MMP16: variants seen among roughly 807,000 people sequenced by gnomAD.
MMP16 encodes the protein matrix metalloproteinase-16.
A neutral mutation model predicts 67.8 loss-of-function variants in MMP16; 12 were observed. That is an observed-to-expected ratio of 0.18 (90% confidence interval 0.11 to 0.29). The LOEUF (loss-of-function observed/expected upper bound fraction) is 0.29, where lower values mean the gene tolerates loss of function less well. Ranked by LOEUF, MMP16 falls within the 10% of genes least tolerant of loss-of-function variation. The pLI, the probability that MMP16 is intolerant of heterozygous loss-of-function variation, is 1.00. For synonymous variants in MMP16, 249 were observed against 255.9 expected, an observed-to-expected ratio of 0.97 and a Z score of 0.26; for missense variants, 475 against 765.7, an observed-to-expected ratio of 0.62 and a Z score of 4.48.
rs138302596 is a variant in MMP16, at chr8:88,054,863, T to C, written c.1373+1265A>G. ...TTCTCCTAAAGTTGGAGACATTGCA[T>C]AGGGTTATTCTATGCTAAGATAATA... On this transcript the variant is annotated intron_variant, in intron 8 of 9. Coordinates refer to ENST00000286614, the MANE Select transcript of MMP16 (RefSeq NM_005941.5). 2.2e-3 allele frequency among the ~76,000 whole-genome samples: 333 copies of C among 152,268 alleles called. 3 individuals carry two copies. Among genetic ancestry groups the C allele is most frequent in the African/African-American group, 7.5e-3 (313 of 41,566 alleles).
rs1333562863 is a variant in MMP16 at position 88,133,231 on chromosome 8, AG to A, written c.710-14371del. Among the ~76,000 whole-genome samples the A allele has an allele frequency of 4.6e-5, 6 of 129,480 alleles. No homozygotes were observed. In the East Asian group the frequency reaches 1.3e-3, roughly 28 times the overall value. The allele number at this position is 129,480 out of a possible 152,430, so 84.9% of individuals were successfully genotyped here. A position where few individuals can be genotyped will look rare whatever the true frequency, so the allele number is the denominator to read the frequency against. ...TTACCTTTATTAAATTTGATTCTTA[AG>A]AAAAAAAATACAAGCTTCAAAATCT... On this transcript the variant is annotated intron_variant, in intron 4 of 9. Coordinates refer to ENST00000286614, the MANE Select transcript of MMP16 (RefSeq NM_005941.5).
intron 1 of MMP16, among the ~76,000 whole-genome samples, chr8:88,318,638 T>C (rs1241642238): frequency 1.3e-5 from 2 of 152,152 alleles, no homozygotes; most frequent in East Asian, 3.9e-4. Flanking sequence ...ACTTCAGCAC[T>C]TCATAGCAAT....
chr8:88,118,886 T>C (rs781683464), intron 4 of MMP16, 25 bp from the exon 5 acceptor site: 11 of 1,603,730 alleles, frequency 6.9e-6, no homozygotes, highest in South Asian at 1.1e-5. Flanking sequence ...AGAAAATAAG[T>C]TTTTGTAACT....
intron 6 of MMP16, among the ~76,000 whole-genome samples, chr8:88,081,900 GTTT>G (rs1206524630): frequency 2.6e-4 from 39 of 152,110 alleles, no homozygotes; most frequent in African/African-American, 9.2e-4. Flanking sequence ...TACAGTAGCT[GTTT>G]TTCTTAAAAA....
chr8:88,159,899 T>G (rs1808584135), intron 4 of MMP16, among the ~76,000 whole-genome samples: 1 of 152,178 alleles, frequency 6.6e-6, no homozygotes, highest in Non-Finnish European at 1.5e-5. Flanking sequence ...TCATGCGGTT[T>G]TCGTCGTTGG....
intron 6 of MMP16, among the ~76,000 whole-genome samples, chr8:88,096,469 G>C (rs1164058742): frequency 1.3e-5 from 2 of 151,852 alleles, no homozygotes; most frequent in African/African-American, 4.8e-5. Context: ...GAACAAAGTT[G>C]AGGACTGTAT....
At chr8:88,227,477 A>C (rs187239947) in intron 1 of MMP16, among the ~76,000 whole-genome samples, 1 of 152,108 alleles carries the variant, frequency 6.6e-6, no homozygotes, top group Admixed American at 6.6e-5. Context: ...AGCCAAAATA[A>C]CCCTGTCATC....
chr8:88,292,052 C>T (rs934341756), intron 1 of MMP16, among the ~76,000 whole-genome samples: 1 of 152,142 alleles, frequency 6.6e-6, no homozygotes, highest in African/African-American at 2.4e-5. Context: ...AGCTTGGATA[C>T]AAAGTCCATT....
chr8:88,096,562 C>T (rs1400818136), intron 6 of MMP16, among the ~76,000 whole-genome samples: 1 of 151,628 alleles, frequency 6.6e-6, no homozygotes, highest in Non-Finnish European at 1.5e-5. Flanking sequence ...AGAAATACAA[C>T]TACTTTGAAA....
chr8:88,137,435 T>C (rs993609916), intron 4 of MMP16, among the ~76,000 whole-genome samples: 5 of 152,022 alleles, frequency 3.3e-5, no homozygotes, highest in Admixed American at 6.6e-5. Context: ...AATGCTGACA[T>C]TGAGAAGTCA....
chr8:88,032,833 A>G lies in MMP16; in HGVS notation c.*8628T>C, dbSNP rs1269303141. 1 of 152,116 alleles carries G rather than the reference A, an allele frequency of 6.6e-6. No homozygotes were observed. Among genetic ancestry groups the G allele is most frequent in the East Asian group, 1.9e-4 (1 of 5,178 alleles). The allele number at this position is 152,116 out of a possible 1,614,324, so 9.4% of individuals were successfully genotyped here. A position where few individuals can be genotyped will look rare whatever the true frequency, so the allele number is the denominator to read the frequency against. On this transcript the variant is annotated 3_prime_UTR_variant, in exon 10 of 10. Coordinates refer to ENST00000286614, the MANE Select transcript of MMP16 (RefSeq NM_005941.5). ...ATGTGTTATTTATTTCTTTCCTTGC[A>G]CACAGAAGACTACATATTATCAAGA...
At chr8:88,301,135 A>G (rs1314542864) in intron 1 of MMP16, among the ~76,000 whole-genome samples, 1 of 152,234 alleles carries the variant, frequency 6.6e-6, no homozygotes, top group Non-Finnish European at 1.5e-5. Context: ...ATGAAAAATG[A>G]GAATTATCTC....
intron 6 of MMP16, among the ~76,000 whole-genome samples, chr8:88,114,605 ATG>A (rs1227913911): frequency 1.3e-5 from 2 of 152,044 alleles, no homozygotes; most frequent in Non-Finnish European, 2.9e-5. Context: ...GTATGAAATT[ATG>A]TGACAAAACG....
At chr8:88,297,543 C>T (rs568430496) in intron 1 of MMP16, among the ~76,000 whole-genome samples, 1 of 152,320 alleles carries the variant, frequency 6.6e-6, no homozygotes, top group Admixed American at 6.5e-5. Flanking sequence ...AATGGCAGCA[C>T]TTCCTCCCAA....
chr8:88,038,695 C>T lies in MMP16; in HGVS notation c.*2766G>A, dbSNP rs1010488894. 6 of 152,488 alleles carry T rather than the reference C, an allele frequency of 3.9e-5. No individual in the cohort carries two copies. The highest frequency in any genetic ancestry group is 1.9e-4 in the East Asian group (1 of 5,188). The allele number at this position is 152,488 out of a possible 1,614,324, so 9.4% of individuals were successfully genotyped here. ...CTCCCACAAGCAAACACTGTATAAA[C>T]GAGCTTATGTATATAGTCCTCCATG... is the stretch of plus-strand genomic sequence containing the variant. On this transcript the variant is annotated 3_prime_UTR_variant, in exon 10 of 10. Coordinates refer to ENST00000286614, the MANE Select transcript of MMP16 (RefSeq NM_005941.5). The surrounding 1 kb of genome is among the most constrained non-coding windows in gnomAD (Gnocchi z 4.1).
At chr8:88,128,853 T>C (rs1807980344) in intron 4 of MMP16, among the ~76,000 whole-genome samples, 1 of 151,684 alleles carries the variant, frequency 6.6e-6, no homozygotes. Flanking sequence ...TCAGACTCAT[T>C]TGGGCACATA....
chr8:88,212,211 A>C (rs564893961), intron 1 of MMP16, among the ~76,000 whole-genome samples: 2 of 152,274 alleles, frequency 1.3e-5, no homozygotes, highest in East Asian at 3.9e-4. Flanking sequence ...GTGGGTATGG[A>C]CACAGGCTTT....
intron 1 of MMP16, among the ~76,000 whole-genome samples, chr8:88,235,943 CAT>C (rs1563570057): frequency 6.6e-6 from 1 of 151,880 alleles, no homozygotes; most frequent in Non-Finnish European, 1.5e-5. Context: ...TTTCAAACCT[CAT>C]AAAGTTCAAG....
chr8:88,175,294 C>A (rs910669001), intron 3 of MMP16, among the ~76,000 whole-genome samples: 2 of 152,114 alleles, frequency 1.3e-5, no homozygotes, highest in Non-Finnish European at 2.9e-5. Context: ...CCACTCTCAC[C>A]CCAATTCCTG....
Sources: allele counts gnomAD v4.1 joint callset (sites outside exome capture counted in the v4.1 genomes callset), GRCh38; gene constraint gnomAD v4.1.1; non-coding constraint Gnocchi (gnomAD v3.1); transcripts MANE v1.5; gene names NCBI Gene and HGNC (gene_info 2026-07-23, HGNC 2026-07-21).